ATG4C: variants seen among roughly 807,000 people sequenced by gnomAD.
The protein encoded by ATG4C is autophagy related 4C cysteine peptidase.
Under a neutral mutation model 57.6 loss-of-function variants are expected in ATG4C, and 56 were observed. The observed-to-expected ratio is 0.97, with a 90% confidence interval of 0.78 to 1.21. The LOEUF is 1.21. Ranked by LOEUF, ATG4C falls within the 50% of genes most tolerant of loss-of-function variation. The probability of loss-of-function intolerance (pLI) is 0.00; values close to 1 mark genes in which losing one functional copy is unlikely to be tolerated. For missense variants in ATG4C, 595 were observed against 529.8 expected (o/e 1.12, Z -1.21); for synonymous variants, 157 against 174.1 (o/e 0.90, Z 0.78).
At chr1:62,843,152 A>G (rs1352091347) in intron 10 of ATG4C, among the ~76,000 whole-genome samples, 1 of 152,152 alleles carries the variant, frequency 6.6e-6, no homozygotes, top group Non-Finnish European at 1.5e-5. Flanking sequence ...ACCAAATTAA[A>G]AAAAAAAGCA....
chr1:62,786,991 T>C (rs970331720), intron 1 of ATG4C, among the ~76,000 whole-genome samples: 1 of 152,050 alleles, frequency 6.6e-6, no homozygotes, highest in Admixed American at 6.6e-5. Context: ...GGCGATGGAT[T>C]AGATATGGAA....
intron 10 of ATG4C, among the ~76,000 whole-genome samples, chr1:62,850,743 A>G (rs1001030897): frequency 4.0e-5 from 6 of 151,308 alleles, no homozygotes; most frequent in Admixed American, 2.6e-4. Context: ...GGCACCCTTT[A>G]TACTTCGTAA....
rs879825716 is a variant in ATG4C, at chr1:62,808,436, AT to A, written c.160+3193del. 3.3e-3 allele frequency among the ~76,000 whole-genome samples: 483 copies of A among 146,952 alleles called. 3 individuals carry two copies. Among genetic ancestry groups the A allele is most frequent in the African/African-American group, 9.6e-3 (386 of 40,388 alleles). ...GTGGAAGTGAAGGATAGACATATTG[AT>A]TTTTTTTTTTTCCAGCAAGGTGGGC... On this transcript the variant is annotated intron_variant, in intron 3 of 10. Coordinates refer to ENST00000317868, the MANE Select transcript of ATG4C (RefSeq NM_032852.4).
chr1:62,813,151 C>T (rs1665143952), intron 3 of ATG4C, among the ~76,000 whole-genome samples: 1 of 152,214 alleles, frequency 6.6e-6, no homozygotes, highest in Non-Finnish European at 1.5e-5. Context: ...CAAAAAAGAG[C>T]TCGCGTAGCC....
At chr1:62,810,255 A>G (rs1665034312) in intron 3 of ATG4C, among the ~76,000 whole-genome samples, 1 of 152,184 alleles carries the variant, frequency 6.6e-6, no homozygotes, top group African/African-American at 2.4e-5. Context: ...AAAGTATGAA[A>G]TATACAGTCT....
rs1666942656 is a variant in ATG4C at position 62,864,324 on chromosome 1, G to GAAAT, written c.*166_*169dup. 3 of 557,006 alleles carry GAAAT rather than the reference G, an allele frequency of 5.4e-6. No homozygotes were observed. Among genetic ancestry groups the GAAAT allele is most frequent in the Middle Eastern group, 1.1e-3 (2 of 1,872 alleles). 34.5% of individuals were successfully genotyped at this position (557,006 alleles called of 1,614,324 possible). A position where few individuals can be genotyped will look rare whatever the true frequency, so the allele number is the denominator to read the frequency against. On this transcript the variant is annotated 3_prime_UTR_variant, in exon 11 of 11. Transcript: ENST00000317868. ...CAGTTAAAGATATTTTTCTAAAAGA[G>GAAAT]AAATGATTTAATGAATCTTGCTTTC...
At position 62,805,179 on chromosome 1, in the gene ATG4C, G is replaced by A. The variant is rs1249331685; in HGVS notation, c.84G>A (p.Val28=). ...SAWNNMKYSW[V]LKTKTYFSRN... ...TTTTTTTTTTTTTGCTAGGTTGGGTGTTGAAAACAAAGACGTATTTTAGTA... is the reference window on the plus strand; with the variant it reads ...TTTTTTTTTTTTTGCTAGGTTGGGTATTGAAAACAAAGACGTATTTTAGTA... The change falls in exon 3 of 11, where the codon GTG becomes GTA. Residue 28 remains valine (V), a synonymous_variant. Transcript: ENST00000317868. The A allele has an allele frequency of 4.0e-6, 6 of 1,510,924 alleles. No individual in the cohort carries two copies. In the African/African-American group the frequency reaches 6.0e-5, roughly 15 times the overall value. The allele number at this position is 1,510,924 out of a possible 1,614,324, so 93.6% of individuals were successfully genotyped here.
intron 6 of ATG4C, among the ~76,000 whole-genome samples, chr1:62,825,369 C>T (rs1441190049): frequency 6.6e-6 from 1 of 152,134 alleles, no homozygotes; most frequent in African/African-American, 2.4e-5. Context: ...CATTTGACAC[C>T]GTTGACTCTT....
chr1:62,823,071 A>T (rs1356102850), intron 6 of ATG4C, among the ~76,000 whole-genome samples: 2 of 152,120 alleles, frequency 1.3e-5, no homozygotes, highest in African/African-American at 4.8e-5. Context: ...TGGGAGGATC[A>T]CTTGAGCCCT....
Position 62,864,105 on chromosome 1 carries a change from G to A in ATG4C, c.1323G>A (p.Glu441=). 1.9e-6 allele frequency: 3 copies of A among 1,607,854 alleles called. No individual in the cohort carries two copies. The highest frequency in any genetic ancestry group is 2.5e-6 in the Non-Finnish European group (3 of 1,177,582). ...TTTNEEDLFS[E]DEKKQLKRFS... Reference sequence around the variant, plus strand: ...CCAATGAAGAAGACCTTTTTTCAGAGGATGAAAAGAAACAATTAAAAAGAT... The same window carrying A: ...CCAATGAAGAAGACCTTTTTTCAGAAGATGAAAAGAAACAATTAAAAAGAT... Residue 441 remains glutamate, a synonymous_variant, in exon 11 of 11, where the codon GAG becomes GAA. Transcript: ENST00000317868.
chr1:62,816,851 T>A (rs924934421), intron 4 of ATG4C, 43 bp downstream of exon 4: 1 of 1,402,958 alleles, frequency 7.1e-7, no homozygotes, highest in African/African-American at 1.5e-5. Flanking sequence ...TTTTGTTTTT[T>A]TGTCGTCGAT....
In ATG4C at chr1:62,805,152, C is replaced by CT. The variant is rs74261206; in HGVS notation, c.77-6dup. 0.061 allele frequency: 69,216 copies of CT among 1,133,520 alleles called. 347 individuals carry two copies. Among genetic ancestry groups the CT allele is most frequent in the African/African-American group, 0.14 (8,656 of 59,714 alleles). The allele number at this position is 1,133,520 out of a possible 1,614,324, so 70.2% of individuals were successfully genotyped here. A position where few individuals can be genotyped will look rare whatever the true frequency, so the allele number is the denominator to read the frequency against. The stretch of plus-strand genomic sequence containing the variant: ...TTTTAATTACAAAACGTTTTCTTTT[C>CT]TTTTTTTTTTTTTTGCTAGGTTGGG... On this transcript the variant is annotated intron_variant, in intron 2 of 10. Transcript: ENST00000317868.
rs1361536574 is a variant in ATG4C at position 62,834,792 on chromosome 1, C to T, written c.1029C>T (p.Tyr343=). The change falls in exon 9 of 11, where the codon TAC becomes TAT. Residue 343 remains tyrosine, a synonymous_variant. Transcript: ENST00000317868. ...TCCTTGTAGATGACAGTTTGATTTA[C>T]ATGGATCCTCATTACTGCCAATCTT... ...FAGFQDDSLI[Y]MDPHYCQSFV... is the part of the protein sequence containing the mutation. 1 of 1,611,838 alleles carries T rather than the reference C, an allele frequency of 6.2e-7. No homozygotes were observed. Among genetic ancestry groups the T allele is most frequent in the East Asian group, 2.2e-5 (1 of 44,712 alleles).
Position 62,864,430 on chromosome 1 carries a change from C to A in ATG4C, c.*271C>A. 3.7e-6 allele frequency: 1 copy of A among 273,082 alleles called. No homozygotes were observed. Among genetic ancestry groups the A allele is most frequent in the Non-Finnish European group, 6.9e-6 (1 of 145,088 alleles). 16.9% of individuals were successfully genotyped at this position (273,082 alleles called of 1,614,324 possible). On this transcript the variant is annotated 3_prime_UTR_variant, in exon 11 of 11. Coordinates refer to ENST00000317868, the MANE Select transcript of ATG4C (RefSeq NM_032852.4). ...TGATAATTCTACCTTAACTGTAAGC[C>A]TTTTAGTCTTCAAAGTCTTCCACCT...
rs371549861 is a variant in ATG4C, at chr1:62,816,749, C to T, written c.335C>T (p.Thr112Ile). 7.4e-6 allele frequency: 12 copies of T among 1,613,310 alleles called. No homozygotes were observed. The African/African-American group carries it at 1.5e-4, about 20-fold the overall frequency. The change falls in exon 4 of 11, where the codon ACA becomes ATA. Residue 112 changes from threonine (T) to isoleucine (I), a missense_variant. By Grantham distance (89) the Thr-to-Ile change is moderately conservative. Transcript: ENST00000317868. ...ALTTDCGWGC[T>I]LRTGQMLLAQ... ...ACAACAGACTGTGGGTGGGGCTGCA[C>T]ATTGAGAACTGGCCAGATGCTCTTG...
intron 1 of ATG4C, among the ~76,000 whole-genome samples, chr1:62,792,588 A>G (rs1405778852): frequency 6.6e-6 from 1 of 152,252 alleles, no homozygotes. Flanking sequence ...AGCAGGTATC[A>G]TGTAGTTACT....
Position 62,846,045 on chromosome 1 carries a change from G to A in ATG4C, c.1209+4498G>A, listed in dbSNP as rs189072205. ...AGACAAGTCTGTTTTACATCTAGGT[G>A]ACCAGGGGAACAAATTAATAGTTCA... On this transcript the variant is annotated intron_variant, in intron 10 of 10. Coordinates refer to ENST00000317868, the MANE Select transcript of ATG4C (RefSeq NM_032852.4). Among the ~76,000 whole-genome samples, 30 of 152,268 alleles carry A rather than the reference G, an allele frequency of 2.0e-4. 1 individual carries two copies. Among genetic ancestry groups the A allele is most frequent in the Admixed American group, 6.5e-4 (10 of 15,292 alleles).
intron 10 of ATG4C, among the ~76,000 whole-genome samples, chr1:62,846,786 A>G (rs1198638502): frequency 2.6e-5 from 4 of 152,124 alleles, no homozygotes; most frequent in Admixed American, 1.3e-4. Flanking sequence ...CTGAGACACT[A>G]TTGTTACTTC....
chr1:62,799,679 G>A (rs189573773), intron 1 of ATG4C, among the ~76,000 whole-genome samples: 2 of 152,196 alleles, frequency 1.3e-5, no homozygotes, highest in Non-Finnish European at 2.9e-5. Flanking sequence ...TACATGAGAT[G>A]TTTTGATATA....
Sources: gnomAD v4.1 joint callset for allele counts (sites outside exome capture counted in the v4.1 genomes callset) on GRCh38, gnomAD v4.1.1 for gene constraint, MANE v1.5 for transcripts, NCBI Gene and HGNC (gene_info 2026-07-23, HGNC 2026-07-21) for gene names.